The following ESRRG variants were observed in gnomAD, a reference collection of about 807,000 sequenced individuals.
ESRRG encodes the protein estrogen-related receptor gamma.
Under a neutral mutation model 44.0 loss-of-function variants are expected in ESRRG, and 13 were observed. The ratio of observed to expected loss-of-function variants is 0.30; its 90% CI spans 0.19 to 0.47. ESRRG has a LOEUF of 0.47. Among genes scored for constraint, ESRRG ranks in the 20% least tolerant of loss-of-function variants. The pLI is 1.00. For missense variants in ESRRG, 395 were observed against 580.6 expected (o/e 0.68, Z 3.29); for synonymous variants, 215 against 214.6 (o/e 1.00, Z -0.02).
intron 3 of ESRRG, among the ~76,000 whole-genome samples, chr1:216,620,713 A>G (rs547204605): frequency 6.6e-6 from 1 of 152,280 alleles, no homozygotes; most frequent in Admixed American, 6.5e-5. Flanking sequence ...ATTTTATTTG[A>G]CCTAGAGAAA....
intron 1 of ESRRG, among the ~76,000 whole-genome samples, chr1:217,052,748 C>G (rs1426073722): frequency 6.6e-6 from 1 of 152,132 alleles, no homozygotes. Flanking sequence ...ATAATGAGGA[C>G]TGCAATCTGG....
intron 1 of ESRRG, among the ~76,000 whole-genome samples, chr1:216,955,621 G>T (rs1346824495): frequency 6.6e-6 from 1 of 152,050 alleles, no homozygotes; most frequent in East Asian, 1.9e-4. Context: ...AACCCTCCAT[G>T]CTGTTCACCA....
intron 2 of ESRRG, among the ~76,000 whole-genome samples, chr1:216,880,221 T>A (rs1577590763): frequency 7.0e-6 from 1 of 143,072 alleles, no homozygotes; most frequent in South Asian, 2.2e-4. Flanking sequence ...GCAGGAGAAT[T>A]GCTTGAACCC....
intron 3 of ESRRG, among the ~76,000 whole-genome samples, chr1:216,608,273 T>G (rs957675715): frequency 6.6e-6 from 1 of 152,220 alleles, no homozygotes; most frequent in African/African-American, 2.4e-5. Flanking sequence ...TTGTCATGAC[T>G]GTAGATTCTG....
rs373076986 is a variant in ESRRG at position 217,040,597 on chromosome 1, G to T, written c.-106+48910C>A. Among the ~76,000 whole-genome samples the T allele has an allele frequency of 6.6e-5, 10 of 152,124 alleles. No homozygotes were observed. In the East Asian group the frequency reaches 1.9e-3, roughly 29 times the overall value. On this transcript the variant is annotated intron_variant, in intron 1 of 7. Coordinates refer to the ESRRG transcript ENST00000359162. ...CTGTTTTAGTTTTGAAATATTTCAA[G>T]ATTTTTCTATTAAAATTTTTTTCCT...
intron 6 of ESRRG, among the ~76,000 whole-genome samples, chr1:216,508,655 C>T (rs186626206): frequency 3.0e-3 from 453 of 152,278 alleles, no homozygotes; most frequent in Middle Eastern, 6.8e-3. Context: ...ATGGTGCTGT[C>T]TCTTAGAAAC....
At chr1:216,937,746 T>A (rs772099951) in intron 2 of ESRRG, among the ~76,000 whole-genome samples, 2 of 152,302 alleles carry the variant, frequency 1.3e-5, no homozygotes, top group South Asian at 4.1e-4. Flanking sequence ...AAACCCAGGA[T>A]GTTGCAGGGG....
At chr1:216,986,227 T>C (rs2074836376) in intron 1 of ESRRG, among the ~76,000 whole-genome samples, 1 of 152,214 alleles carries the variant, frequency 6.6e-6, no homozygotes, top group Non-Finnish European at 1.5e-5. Context: ...TTGGGTTTCA[T>C]AGTTTATATT....
chr1:216,798,973 G>C (rs1212161732), intron 2 of ESRRG, among the ~76,000 whole-genome samples: 1 of 152,096 alleles, frequency 6.6e-6, no homozygotes, highest in Non-Finnish European at 1.5e-5. Context: ...AAATCAGCTG[G>C]AGAATCAATC....
upstream of ESRRG, among the ~76,000 whole-genome samples, chr1:217,093,739 C>T (rs1395847189): frequency 6.6e-6 from 1 of 151,326 alleles, no homozygotes; most frequent in African/African-American, 2.4e-5. Flanking sequence ...GCGGTGATCG[C>T]ACCACTGCAC....
chr1:216,828,327 G>C (rs1043201092), intron 2 of ESRRG, among the ~76,000 whole-genome samples: 2 of 152,244 alleles, frequency 1.3e-5, no homozygotes, highest in Admixed American at 1.3e-4. Context: ...AACCCTGAAA[G>C]TACCTTAATG....
In ESRRG at chr1:216,919,631, T is replaced by C. The variant is rs1195005016; in HGVS notation, c.-14+19951A>G. Among the ~76,000 whole-genome samples the C allele has an allele frequency of 3.3e-5, 5 of 152,222 alleles. No homozygotes were observed. The East Asian group carries it at 7.7e-4, about 23-fold the overall frequency. ...GGAAAAAACAAACAGCCTATCACCA[T>C]AGCTAGGCCCCCTCTCTAGAAATCA... On this transcript the variant is annotated intron_variant, in intron 2 of 7. Coordinates refer to the ESRRG transcript ENST00000359162.
At chr1:217,047,631 C>T (rs752987287) in intron 1 of ESRRG, among the ~76,000 whole-genome samples, 2 of 152,112 alleles carry the variant, frequency 1.3e-5, no homozygotes, top group Non-Finnish European at 2.9e-5. Context: ...TATTCTGTTG[C>T]ACCTATCCAT....
Position 216,924,289 on chromosome 1 carries a change from C to T in ESRRG, c.-14+15293G>A, listed in dbSNP as rs573040239. On this transcript the variant is annotated intron_variant, in intron 2 of 7. Coordinates refer to the ESRRG transcript ENST00000359162. Reference sequence around the variant, plus strand: ...AGGATGATTACCAGATGATACTTCACGCAAGTCTCTATCCTAACATGCAGA... The same window carrying T: ...AGGATGATTACCAGATGATACTTCATGCAAGTCTCTATCCTAACATGCAGA... 5.9e-5 allele frequency among the ~76,000 whole-genome samples: 9 copies of T among 152,300 alleles called. No individual in the cohort carries two copies. The South Asian group carries it at 1.2e-3, about 21-fold the overall frequency.
At chr1:217,058,423 T>C (rs531673691) in intron 1 of ESRRG, among the ~76,000 whole-genome samples, 1 of 152,270 alleles carries the variant, frequency 6.6e-6, no homozygotes, top group East Asian at 1.9e-4. Flanking sequence ...GAGAATGAGC[T>C]TCCGATGATC....
At chr1:216,522,207 C>T (rs991450756) in intron 5 of ESRRG, among the ~76,000 whole-genome samples, 1 of 137,376 alleles carries the variant, frequency 7.3e-6, no homozygotes, top group African/African-American at 2.7e-5. Flanking sequence ...TTTCCTTTTG[C>T]TTCTCTATGA....
At chr1:216,654,188 C>T (rs557758336) in intron 2 of ESRRG, among the ~76,000 whole-genome samples, 3 of 151,208 alleles carry the variant, frequency 2.0e-5, no homozygotes, top group Non-Finnish European at 2.9e-5. Flanking sequence ...CTTATAATAA[C>T]TTAGAATTTT....
At chr1:216,675,737 T>C (rs1211880231) in intron 2 of ESRRG, among the ~76,000 whole-genome samples, 1 of 152,196 alleles carries the variant, frequency 6.6e-6, no homozygotes, top group Non-Finnish European at 1.5e-5. Flanking sequence ...AACTTGCATT[T>C]CTTACATTTT....
chr1:217,054,067 G>A (rs1242959764), intron 1 of ESRRG, among the ~76,000 whole-genome samples: 5 of 151,518 alleles, frequency 3.3e-5, no homozygotes, highest in Non-Finnish European at 5.9e-5. Flanking sequence ...GTTGAGCTAG[G>A]CAAAGACAGC....
Sources: gnomAD v4.1 joint callset for allele counts (sites outside exome capture counted in the v4.1 genomes callset) on GRCh38, gnomAD v4.1.1 for gene constraint, MANE v1.5 for transcripts, NCBI Gene and HGNC (gene_info 2026-07-23, HGNC 2026-07-21) for gene names.